EXT2: variants seen among roughly 807,000 people sequenced by gnomAD.
EXT2 encodes exostosin-2.
Under a neutral mutation model 81.6 loss-of-function variants are expected in EXT2, and 53 were observed. That is an observed-to-expected ratio of 0.65 (90% CI 0.52 to 0.82). The LOEUF is 0.82. Among genes scored for constraint, EXT2 ranks in the 40% least tolerant of loss-of-function variants. The pLI is 0.00. For synonymous variants in EXT2, 320 were observed against 340.0 expected (o/e 0.94, Z 0.65); for missense variants, 774 against 910.2 (o/e 0.85, Z 1.93).
chr11:44,131,316 G>C (rs987789848), intron 7 of EXT2, among the ~76,000 whole-genome samples: 1 of 152,106 alleles, frequency 6.6e-6, no homozygotes, highest in Admixed American at 6.5e-5. Flanking sequence ...TAGTGGATGT[G>C]TTCAGTCCAC....
intron 10 of EXT2, among the ~76,000 whole-genome samples, chr11:44,226,663 T>G (rs1357635058): frequency 1.3e-5 from 2 of 152,170 alleles, no homozygotes; most frequent in African/African-American, 4.8e-5. Flanking sequence ...GGAAACCAGC[T>G]CGGAATTGGA....
intron 7 of EXT2, among the ~76,000 whole-genome samples, chr11:44,156,705 C>G (rs1017400604): frequency 6.6e-6 from 1 of 152,188 alleles, no homozygotes; most frequent in Non-Finnish European, 1.5e-5. Flanking sequence ...CTCTGTCACT[C>G]CAGGATTGGT....
At chr11:44,113,130 A>C (rs1010497984) in intron 3 of EXT2, among the ~76,000 whole-genome samples, 1 of 152,216 alleles carries the variant, frequency 6.6e-6, no homozygotes, top group African/African-American at 2.4e-5. Context: ...TTTAGCCTGC[A>C]GGTTACCTCA....
chr11:44,188,108 T>C (rs1005674442), intron 8 of EXT2, among the ~76,000 whole-genome samples: 27 of 152,188 alleles, frequency 1.8e-4, no homozygotes, highest in African/African-American at 5.8e-4. Context: ...GAATGAAGTA[T>C]TATAAAGCAA....
intron 13 of EXT2, among the ~76,000 whole-genome samples, chr11:44,240,751 G>A (rs894930240): frequency 6.6e-6 from 1 of 152,160 alleles, no homozygotes; most frequent in Admixed American, 6.5e-5. Context: ...ATTAAAAATT[G>A]AGTCACTGAA....
At chr11:44,191,417 A>C (rs894155136) in intron 8 of EXT2, among the ~76,000 whole-genome samples, 1 of 152,248 alleles carries the variant, frequency 6.6e-6, no homozygotes, top group East Asian at 1.9e-4. Flanking sequence ...AAGGTTTTGA[A>C]GGCATAGCTG....
In EXT2 at chr11:44,124,882, A is replaced by G; in HGVS notation, c.837A>G (p.Ser279=). The G allele has an allele frequency of 9.3e-6, 15 of 1,614,168 alleles. No individual in the cohort carries two copies. Among genetic ancestry groups the G allele is most frequent in the Non-Finnish European group, 1.3e-5 (15 of 1,180,024 alleles). Residue 279 remains serine, a synonymous_variant, in exon 5 of 14, where the codon TCA becomes TCG. Coordinates refer to ENST00000533608, the MANE Select transcript of EXT2 (RefSeq NM_207122.2). ...LEALQVKHGE[S]VLVLDKCTNL... ...CCCTCCAGGTCAAACATGGAGAGTCAGTGTTAGTACTCGATAAATGCACCA... is the reference window on the plus strand; with the variant it reads ...CCCTCCAGGTCAAACATGGAGAGTCGGTGTTAGTACTCGATAAATGCACCA...
chr11:44,116,969 C>CT (rs555225810), intron 4 of EXT2: 4,997 of 137,542 alleles, frequency 0.036, 134 homozygotes, highest in Middle Eastern at 0.08. Flanking sequence ...TTTTCACTTT[C>CT]TTTTTTTTTT....
intron 8 of EXT2, among the ~76,000 whole-genome samples, chr11:44,194,897 C>T (rs1447776854): frequency 6.6e-6 from 1 of 152,024 alleles, no homozygotes; most frequent in Non-Finnish European, 1.5e-5. Context: ...ATAGTGATGG[C>T]ACATAGACCA....
chr11:44,195,701 G>A (rs1299365178), intron 8 of EXT2, among the ~76,000 whole-genome samples: 1 of 152,080 alleles, frequency 6.6e-6, no homozygotes, highest in Non-Finnish European at 1.5e-5. Flanking sequence ...GATTGATAGG[G>A]AACCTTGGCA....
chr11:44,200,112 T>C (rs532189524), intron 9 of EXT2, among the ~76,000 whole-genome samples: 3 of 151,468 alleles, frequency 2.0e-5, no homozygotes, highest in African/African-American at 7.3e-5. Flanking sequence ...AGCAAATGCA[T>C]CTGATTTTTC....
At chr11:44,237,913 A>AC (rs888741276) in intron 13 of EXT2, among the ~76,000 whole-genome samples, 3 of 142,502 alleles carry the variant, frequency 2.1e-5, no homozygotes, top group Non-Finnish European at 3.1e-5. Flanking sequence ...AAAAAAAAAA[A>AC]AAAAAAAAAA....
chr11:44,119,488 G>A (rs1954285652), intron 4 of EXT2, among the ~76,000 whole-genome samples: 1 of 152,070 alleles, frequency 6.6e-6, no homozygotes. Context: ...TCAACCAAGG[G>A]AGCTCGTCAG....
intron 3 of EXT2, among the ~76,000 whole-genome samples, chr11:44,111,779 A>G (rs186296012): frequency 6.6e-6 from 1 of 152,258 alleles, no homozygotes; most frequent in Admixed American, 6.5e-5. Context: ...CCTCCGCTAG[A>G]TTATCTAGAA....
chr11:44,179,963 GT>G (rs1309573615), intron 8 of EXT2, among the ~76,000 whole-genome samples: 3 of 152,072 alleles, frequency 2.0e-5, no homozygotes, highest in Non-Finnish European at 1.5e-5. Flanking sequence ...ACAGCTGCAG[GT>G]TAGAAAACTT....
intron 7 of EXT2, among the ~76,000 whole-genome samples, chr11:44,130,746 C>T (rs1954481059): frequency 6.6e-6 from 1 of 152,190 alleles, no homozygotes; most frequent in African/African-American, 2.4e-5. Context: ...AAATATCAAG[C>T]AAGGTGAAAA....
chr11:44,144,101 G>A (rs766243530), intron 7 of EXT2: 34 of 689,548 alleles, frequency 4.9e-5, no homozygotes, highest in Admixed American at 1.2e-4. Flanking sequence ...ACAAACTTAC[G>A]CTTTCTTTCT....
intron 8 of EXT2, among the ~76,000 whole-genome samples, chr11:44,188,080 G>A (rs575753195): frequency 6.6e-6 from 1 of 152,336 alleles, no homozygotes; most frequent in South Asian, 2.1e-4. Flanking sequence ...ACCTCCTTAA[G>A]TGAACAACTA....
intron 7 of EXT2, among the ~76,000 whole-genome samples, chr11:44,134,698 G>A (rs143082561): frequency 6.6e-6 from 1 of 152,344 alleles, no homozygotes; most frequent in East Asian, 1.9e-4. Context: ...ATGTTTGTAT[G>A]GATAGGGAGG....
Sources: gnomAD v4.1 joint callset for allele counts (sites outside exome capture counted in the v4.1 genomes callset) on GRCh38, gnomAD v4.1.1 for gene constraint, MANE v1.5 for transcripts, NCBI Gene and HGNC (gene_info 2026-07-23, HGNC 2026-07-21) for gene names.